Variants in HAGH observed in about 807,000 individuals in gnomAD.
HAGH encodes the protein hydroxyacylglutathione hydrolase, mitochondrial.
A neutral mutation model predicts 35.1 loss-of-function variants in HAGH; 29 were observed. The observed-to-expected ratio is 0.83, with a 90% CI of 0.62 to 1.13. The LOEUF (loss-of-function observed/expected upper bound fraction) is 1.13, where lower values mean the gene tolerates loss of function less well. Ranked by LOEUF, HAGH falls within the 50% of genes most tolerant of loss-of-function variation. The pLI, the probability that HAGH is intolerant of heterozygous loss-of-function variation, is 0.00. For missense variants in HAGH, 478 were observed against 419.6 expected (o/e 1.14, Z -1.22); for synonymous variants, 225 against 176.1 (o/e 1.28, Z -2.20).
At chr16:1,813,440 G>A (rs1289882677) in intron 7 of HAGH, among the ~76,000 whole-genome samples, 1 of 152,172 alleles carries the variant, frequency 6.6e-6, no homozygotes, top group Non-Finnish European at 1.5e-5. Context: ...CACAGACTAA[G>A]ACACCCAGGA....
Position 1,808,138 on chromosome 16 carries a change from C to T in HAGH, c.*1145G>A, listed in dbSNP as rs376337766. The stretch of plus-strand genomic sequence containing the variant: ...TTAATTAATTTCTTTGAGACAGGGT[C>T]TCCCTGTTCCCCAAGCCAGAATGCA... On this transcript the variant is annotated 3_prime_UTR_variant, in exon 9 of 9. Coordinates refer to ENST00000397356, the MANE Select transcript of HAGH (RefSeq NM_005326.6). 6.6e-5 allele frequency: 10 copies of T among 152,326 alleles called. No individual in the cohort carries two copies. In the East Asian group the frequency reaches 1.9e-3, roughly 29 times the overall value. The allele number at this position is 152,326 out of a possible 1,614,324, so 9.4% of individuals were successfully genotyped here.
At chr16:1,819,805 G>C (rs531907033) in intron 4 of HAGH, 92 bp downstream of exon 4, 1 of 810,642 alleles carries the variant, frequency 1.2e-6, no homozygotes, top group African/African-American at 1.7e-5. Flanking sequence ...GGGTCACTGG[G>C]GTAAGGGAGC....
At chr16:1,814,930 T>TACACAAAC (rs1555467326) in intron 7 of HAGH, among the ~76,000 whole-genome samples, 39 of 140,730 alleles carry the variant, frequency 2.8e-4, no homozygotes, top group South Asian at 2.3e-4. Flanking sequence ...TATATGTATA[T>TACACAAAC]ACACACACAC....
In HAGH at chr16:1,819,209, G is replaced by T; in HGVS notation, c.447C>A (p.Asn149Lys). The T allele has an allele frequency of 2.5e-6, 4 of 1,609,370 alleles. No homozygotes were observed. The highest frequency in any genetic ancestry group is 3.4e-6 in the Non-Finnish European group (4 of 1,176,840). ...GGCACGGGGTCGCCAGGCACTTGAC[G>T]TTCAGAGACCCCACCTTCAACAAAG... is the stretch of plus-strand genomic sequence containing the variant. ...HLSTLQVGSL[N>K]VKCLATPCHT... The change falls in exon 5 of 9, where the codon AAC becomes AAA. Residue 149 changes from asparagine (N) to lysine (K), a missense_variant. By Grantham distance (94) the Asn-to-Lys change is moderately conservative (BLOSUM62 0). Coordinates refer to ENST00000397356, the MANE Select transcript of HAGH (RefSeq NM_005326.6).
At chr16:1,820,805 C>A (rs758887413) in intron 3 of HAGH, among the ~76,000 whole-genome samples, 6 of 152,204 alleles carry the variant, frequency 3.9e-5, no homozygotes, top group Non-Finnish European at 8.8e-5. Context: ...TGCCCTCTGC[C>A]CCTCCCACCC....
At chr16:1,812,502 C>G (rs1159698040) in intron 7 of HAGH, 1 of 14,910 alleles carries the variant, frequency 6.7e-5, no homozygotes, top group Non-Finnish European at 2.0e-4. Context: ...GAAACGCTGT[C>G]TCAAAAAAAA....
At chr16:1,824,363 C>G (rs1288288704) in intron 1 of HAGH, among the ~76,000 whole-genome samples, 1 of 152,228 alleles carries the variant, frequency 6.6e-6, no homozygotes, top group Non-Finnish European at 1.5e-5. Context: ...AAACCACCAT[C>G]CAACTGACCC....
intron 7 of HAGH, among the ~76,000 whole-genome samples, chr16:1,813,739 A>G (rs1213438063): frequency 6.6e-6 from 1 of 152,220 alleles, no homozygotes; most frequent in Non-Finnish European, 1.5e-5. Flanking sequence ...AAAAGGCTTA[A>G]AACAACTAAA....
chr16:1,823,097 G>T, intron 1 of HAGH, 60 bp from the exon 2 acceptor site: 1 of 1,415,208 alleles, frequency 7.1e-7, no homozygotes, highest in Non-Finnish European at 1.0e-6. Flanking sequence ...GACAGGACGC[G>T]CAAGCTGCAG....
At chr16:1,812,168 C>T (rs1291926283) in intron 7 of HAGH, among the ~76,000 whole-genome samples, 4 of 129,960 alleles carry the variant, frequency 3.1e-5, no homozygotes, top group South Asian at 4.9e-4. Flanking sequence ...CCAGCCTGGG[C>T]AGCAGAGCAA....
At chr16:1,819,579 T>C (rs1409734844) in intron 4 of HAGH, among the ~76,000 whole-genome samples, 1 of 152,198 alleles carries the variant, frequency 6.6e-6, no homozygotes, top group Non-Finnish European at 1.5e-5. Context: ...TTCAAAAATG[T>C]TCACACCCTC....
At chr16:1,813,919 G>C (rs1462116362) in intron 7 of HAGH, among the ~76,000 whole-genome samples, 1 of 152,204 alleles carries the variant, frequency 6.6e-6, no homozygotes, top group Non-Finnish European at 1.5e-5. Context: ...ATTCTTTTCA[G>C]AAAGGTGCCA....
At chr16:1,814,932 C>CACAA (rs144079494) in intron 7 of HAGH, among the ~76,000 whole-genome samples, 2 of 134,748 alleles carry the variant, frequency 1.5e-5, no homozygotes, top group African/African-American at 3.0e-5. Flanking sequence ...TATGTATATA[C>CACAA]ACACACACAC....
intron 1 of HAGH, among the ~76,000 whole-genome samples, chr16:1,824,972 C>T (rs11648072): frequency 0.059 from 8,972 of 152,200 alleles, 285 homozygotes; most frequent in East Asian, 0.12. Flanking sequence ...TTCCGAGTGC[C>T]GGGCGTCCTC....
At chr16:1,822,183 G>C in intron 3 of HAGH, 117 bp downstream of exon 3, 1 of 702,998 alleles carries the variant, frequency 1.4e-6, no homozygotes, top group Admixed American at 2.1e-5. Flanking sequence ...GTCTGCTGGG[G>C]GCTTGTCCTC....
upstream of HAGH, chr16:1,826,883 A>AGCC: frequency 1.3e-6 from 1 of 787,376 alleles, no homozygotes; most frequent in Non-Finnish European, 1.8e-6. Context: ...CGCTGCCCTC[A>AGCC]GCCAATCAGC....
At chr16:1,824,669 G>A (rs576564203) in intron 1 of HAGH, among the ~76,000 whole-genome samples, 6 of 152,166 alleles carry the variant, frequency 3.9e-5, no homozygotes, top group South Asian at 2.1e-4. Context: ...AGACACACGC[G>A]TCTCCAGGGC....
At chr16:1,823,363 G>A (rs1898243322) in intron 1 of HAGH, among the ~76,000 whole-genome samples, 1 of 151,198 alleles carries the variant, frequency 6.6e-6, no homozygotes, top group Non-Finnish European at 1.5e-5. Context: ...CGCCTCCCAG[G>A]TTCACGCCGT....
chr16:1,809,689 G>C (rs567928653), intron 8 of HAGH, 65 bp downstream of exon 8: 3 of 1,151,046 alleles, frequency 2.6e-6, no homozygotes, highest in South Asian at 2.4e-5. Flanking sequence ...CGTACCGGCT[G>C]TGTGTGCAGC....
Sources: gnomAD v4.1 joint callset for allele counts (sites outside exome capture counted in the v4.1 genomes callset) on GRCh38, gnomAD v4.1.1 for gene constraint, MANE v1.5 for transcripts, NCBI Gene and HGNC (gene_info 2026-07-23, HGNC 2026-07-21) for gene names.